KIAA1958: variants seen among roughly 807,000 people sequenced by gnomAD.
KIAA1958 encodes the protein uncharacterized protein KIAA1958.
In KIAA1958, 14 loss-of-function variants were observed where a neutral mutation model predicts 47.2. The observed-to-expected ratio is 0.30, with a 90% CI of 0.20 to 0.46. KIAA1958 has a LOEUF of 0.46. KIAA1958 is among the 20% of genes least tolerant of loss of function. The pLI is 1.00. For missense variants in KIAA1958, 803 were observed against 909.2 expected (o/e 0.88, Z 1.50); for synonymous variants, 354 against 353.3 (o/e 1.00, Z -0.02).
At chr9:112,613,802 T>G (rs1836366775) in intron 2 of KIAA1958, among the ~76,000 whole-genome samples, 1 of 152,196 alleles carries the variant, frequency 6.6e-6, no homozygotes, top group Admixed American at 6.5e-5. Flanking sequence ...ATGGAGCACC[T>G]TTTCCTCATG....
intron 2 of KIAA1958, among the ~76,000 whole-genome samples, chr9:112,612,231 G>T (rs1836339259): frequency 1.3e-5 from 2 of 151,840 alleles, no homozygotes; most frequent in Non-Finnish European, 2.9e-5. Flanking sequence ...AACTTCGTAA[G>T]ACCCCCATCT....
At chr9:112,540,487 T>G (rs544245082) in intron 1 of KIAA1958, among the ~76,000 whole-genome samples, 4 of 152,316 alleles carry the variant, frequency 2.6e-5, no homozygotes, top group Admixed American at 2.0e-4. Flanking sequence ...CTGTCAAATT[T>G]TATCTGTGTT....
chr9:112,604,798 C>T (rs10739367), intron 2 of KIAA1958, among the ~76,000 whole-genome samples: 78,591 of 151,234 alleles, frequency 0.52, 20,553 homozygotes, highest in Non-Finnish European at 0.56. Context: ...TGGATCTTTG[C>T]ATTTAAAATT....
intron 1 of KIAA1958, among the ~76,000 whole-genome samples, chr9:112,497,071 C>G (rs542336135): frequency 6.6e-5 from 10 of 152,174 alleles, no homozygotes; most frequent in African/African-American, 2.4e-4. Context: ...TGTAGATTCA[C>G]TTACAGTTGT....
chr9:112,496,607 T>TC (rs1350652137), intron 1 of KIAA1958, among the ~76,000 whole-genome samples: 1 of 152,218 alleles, frequency 6.6e-6, no homozygotes, highest in Non-Finnish European at 1.5e-5. Flanking sequence ...TGATGTGACC[T>TC]CCTCTCTGAT....
intron 2 of KIAA1958, among the ~76,000 whole-genome samples, chr9:112,589,243 A>G (rs1259142084): frequency 2.6e-5 from 4 of 151,876 alleles, no homozygotes; most frequent in African/African-American, 9.7e-5. Context: ...CTTTTCCCTC[A>G]TTTTTCTGAT....
intron 3 of KIAA1958, among the ~76,000 whole-genome samples, chr9:112,657,535 C>T (rs1837170295): frequency 6.6e-6 from 1 of 152,150 alleles, no homozygotes; most frequent in East Asian, 1.9e-4. Flanking sequence ...ATATCTCATA[C>T]ATTTTGATAT....
chr9:112,609,605 G>T (rs1377328132), intron 2 of KIAA1958, among the ~76,000 whole-genome samples: 1 of 152,096 alleles, frequency 6.6e-6, no homozygotes, highest in Non-Finnish European at 1.5e-5. Flanking sequence ...AAGCTGGAGT[G>T]CAGTGGCATG....
At chr9:112,508,772 T>C (rs1399061199) in intron 1 of KIAA1958, among the ~76,000 whole-genome samples, 1 of 152,182 alleles carries the variant, frequency 6.6e-6, no homozygotes, top group Non-Finnish European at 1.5e-5. Flanking sequence ...TTCTGTTGCC[T>C]GGTTTGTACC....
rs1279172825 is a variant in KIAA1958, at chr9:112,567,235, A to G, written c.-24-6822A>G. On this transcript the variant is annotated intron_variant, in intron 1 of 3. Transcript: ENST00000337530. ...AAGACAGGGTGAAACAAAACAAAAC[A>G]AACAAAAATAAGAAAAAACTCCAAC... is the stretch of plus-strand genomic sequence containing the variant. Among the ~76,000 whole-genome samples the G allele has an allele frequency of 2.6e-5, 4 of 152,210 alleles. No homozygotes were observed. In the East Asian group the frequency reaches 7.7e-4, roughly 29 times the overall value.
chr9:112,609,128 C>T (rs1836282875), intron 2 of KIAA1958, among the ~76,000 whole-genome samples: 1 of 152,136 alleles, frequency 6.6e-6, no homozygotes, highest in Admixed American at 6.5e-5. Context: ...AAACAGAGAG[C>T]TTGACATATA....
At chr9:112,573,005 A>T (rs1835565627) in intron 1 of KIAA1958, among the ~76,000 whole-genome samples, 1 of 152,088 alleles carries the variant, frequency 6.6e-6, no homozygotes, top group South Asian at 2.1e-4. Flanking sequence ...CAGGGCCGAC[A>T]AAATCACACA....
At chr9:112,633,321 G>C (rs1836743415) in intron 2 of KIAA1958, among the ~76,000 whole-genome samples, 1 of 151,724 alleles carries the variant, frequency 6.6e-6, no homozygotes, top group Non-Finnish European at 1.5e-5. Context: ...CAGAAAAGGG[G>C]GGATTTTAAT....
intron 2 of KIAA1958, among the ~76,000 whole-genome samples, chr9:112,598,207 G>C (rs570838764): frequency 2.0e-5 from 3 of 152,118 alleles, no homozygotes; most frequent in Non-Finnish European, 4.4e-5. Flanking sequence ...GGGCCAGCTC[G>C]TGCAAATGCT....
At chr9:112,633,179 A>G (rs1046939530) in intron 2 of KIAA1958, among the ~76,000 whole-genome samples, 6 of 151,328 alleles carry the variant, frequency 4.0e-5, no homozygotes, top group Non-Finnish European at 1.5e-5. Context: ...GTAATTTACA[A>G]TTTAAATTAC....
intron 2 of KIAA1958, among the ~76,000 whole-genome samples, chr9:112,621,727 A>G (rs1441052656): frequency 6.6e-6 from 1 of 151,738 alleles, no homozygotes; most frequent in Non-Finnish European, 1.5e-5. Flanking sequence ...AGCCTAGCCA[A>G]ATTACAGTAT....
chr9:112,517,823 C>G (rs748156577), intron 1 of KIAA1958, among the ~76,000 whole-genome samples: 32 of 152,222 alleles, frequency 2.1e-4, no homozygotes, highest in Non-Finnish European at 4.1e-4. Context: ...AGTAAGCACA[C>G]GATAAGATGT....
intron 1 of KIAA1958, among the ~76,000 whole-genome samples, chr9:112,534,549 C>CTTTTTTTTTTTTTTTT (rs113955860): frequency 7.0e-6 from 1 of 143,836 alleles, no homozygotes. Flanking sequence ...TTTCTTTTTT[C>CTTTTTTTTTTTTTTTT]TTTTTTTTTT....
intron 2 of KIAA1958, among the ~76,000 whole-genome samples, chr9:112,609,156 T>G (rs890268312): frequency 1.3e-5 from 2 of 152,368 alleles, no homozygotes; most frequent in African/African-American, 4.8e-5. Context: ...ATATCTTATG[T>G]GTATTCATAA....
Sources: allele counts gnomAD v4.1 joint callset (sites outside exome capture counted in the v4.1 genomes callset), GRCh38; gene constraint gnomAD v4.1.1; transcripts MANE v1.5; gene names NCBI Gene and HGNC (gene_info 2026-07-23, HGNC 2026-07-21).